The following PTGR1 variants were observed in gnomAD, a reference collection of about 807,000 sequenced individuals.
PTGR1 encodes 15-oxoprostaglandin 13-reductase.
PTGR1 carries 23 observed loss-of-function variants against 37.7 expected under a neutral mutation model. The observed-to-expected ratio is 0.61, with a 90% CI of 0.44 to 0.86. PTGR1 has a LOEUF of 0.86. PTGR1 is among the 40% of genes least tolerant of loss of function. PTGR1 has a pLI of 0.00. For synonymous variants in PTGR1, 134 were observed against 140.0 expected (o/e 0.96, Z 0.30); for missense variants, 351 against 394.3 (o/e 0.89, Z 0.93).
intron 9 of PTGR1, among the ~76,000 whole-genome samples, chr9:111,551,761 T>G (rs1827964667): frequency 6.6e-6 from 1 of 152,222 alleles, no homozygotes; most frequent in South Asian, 2.1e-4. Context: ...AAAATTCATT[T>G]AATATCTAGG....
At chr9:111,579,537 G>A (rs185584992) in intron 6 of PTGR1, among the ~76,000 whole-genome samples, 1 of 152,172 alleles carries the variant, frequency 6.6e-6, no homozygotes, top group Non-Finnish European at 1.5e-5. Context: ...TGGGACCACA[G>A]GTGCATACCA....
At chr9:111,596,926 C>CAAAAAAAAAAAAA (rs71494900) in intron 2 of PTGR1, among the ~76,000 whole-genome samples, 1 of 90,662 alleles carries the variant, frequency 1.1e-5, no homozygotes. Flanking sequence ...GACTCTGTCT[C>CAAAAAAAAAAAAA]AAAAAAAAAA....
chr9:111,583,468 T>C lies in PTGR1; in HGVS notation c.495+4A>G, dbSNP rs1274249337. 1.9e-6 allele frequency: 3 copies of C among 1,595,488 alleles called. No individual in the cohort carries two copies. The highest frequency in any genetic ancestry group is 2.6e-6 in the Non-Finnish European group (3 of 1,163,030). ...AAGGCTTGTTACTGGAGAAAGGCACTTACCTTGAGCTTTGCAATCTGCCCC... is the reference window on the plus strand; with the variant it reads ...AAGGCTTGTTACTGGAGAAAGGCACCTACCTTGAGCTTTGCAATCTGCCCC... On this transcript the variant is annotated splice_donor_region_variant and intron_variant, in intron 6 of 9. Coordinates refer to ENST00000407693, the MANE Select transcript of PTGR1 (RefSeq NM_001146108.2).
chr9:111,578,184 A>G (rs1483360010), intron 7 of PTGR1, among the ~76,000 whole-genome samples: 2 of 152,166 alleles, frequency 1.3e-5, no homozygotes, highest in African/African-American at 4.8e-5. Flanking sequence ...CTCTAGGAAT[A>G]TATTCCCTTG....
intron 4 of PTGR1, among the ~76,000 whole-genome samples, chr9:111,590,268 A>G (rs919408263): frequency 4.6e-5 from 7 of 152,268 alleles, no homozygotes; most frequent in Non-Finnish European, 8.8e-5. Flanking sequence ...TAAACTAAGC[A>G]TAAAGTATCA....
chr9:111,585,805 C>T (rs895600446), intron 5 of PTGR1, among the ~76,000 whole-genome samples, 193 bp downstream of exon 5: 4 of 152,198 alleles, frequency 2.6e-5, no homozygotes, highest in African/African-American at 7.2e-5. Flanking sequence ...ATATAGACCA[C>T]GTTTTCTTTA....
At chr9:111,564,908 G>A (rs369210634) in intron 9 of PTGR1, among the ~76,000 whole-genome samples, 41 of 152,078 alleles carry the variant, frequency 2.7e-4, no homozygotes, top group African/African-American at 7.2e-4. Context: ...TGGATCACCC[G>A]AGGTCAGGAG....
At chr9:111,580,798 G>A (rs1048007585) in intron 6 of PTGR1, among the ~76,000 whole-genome samples, 9 of 149,594 alleles carry the variant, frequency 6.0e-5, no homozygotes, top group East Asian at 1.9e-4. Context: ...AATCTTTGTC[G>A]ATGCATCAAA....
At chr9:111,573,234 G>A (rs1828906470) in intron 8 of PTGR1, among the ~76,000 whole-genome samples, 1 of 152,190 alleles carries the variant, frequency 6.6e-6, no homozygotes, top group African/African-American at 2.4e-5. Context: ...TTGGCAGGCA[G>A]ACAATTTCCC....
chr9:111,555,524 C>G (rs1828096165), intron 9 of PTGR1, among the ~76,000 whole-genome samples: 1 of 152,084 alleles, frequency 6.6e-6, no homozygotes, highest in South Asian at 2.1e-4. Context: ...CTACCTGAGA[C>G]TGGGTAATTT....
intron 4 of PTGR1, among the ~76,000 whole-genome samples, chr9:111,589,898 G>A (rs1240392358): frequency 6.6e-6 from 1 of 152,140 alleles, no homozygotes; most frequent in East Asian, 1.9e-4. Flanking sequence ...GCCTCCCAAA[G>A]TGCTGGGATT....
chr9:111,579,343 C>T (rs532257804), intron 6 of PTGR1, among the ~76,000 whole-genome samples: 17 of 152,140 alleles, frequency 1.1e-4, no homozygotes, highest in South Asian at 8.3e-4. Flanking sequence ...CTGTGACTCC[C>T]ACATCACAGA....
At chr9:111,551,400 GTTTTTTTTTT>G (rs58638722) in intron 9 of PTGR1, among the ~76,000 whole-genome samples, 1 of 74,430 alleles carries the variant, frequency 1.3e-5, no homozygotes, top group East Asian at 4.5e-4. Flanking sequence ...TCCAGTTTTT[GTTTTTTTTTT>G]TTTTTTTTTT....
At chr9:111,573,183 C>G (rs936839425) in intron 8 of PTGR1, among the ~76,000 whole-genome samples, 1 of 152,154 alleles carries the variant, frequency 6.6e-6, no homozygotes, top group African/African-American at 2.4e-5. Flanking sequence ...TATTCCTAAT[C>G]GGACTGTGGT....
At chr9:111,595,547 G>A (rs1219924126) in intron 2 of PTGR1, among the ~76,000 whole-genome samples, 1 of 152,054 alleles carries the variant, frequency 6.6e-6, no homozygotes, top group Non-Finnish European at 1.5e-5. Context: ...AGCTTAGATG[G>A]GACTGATCAC....
At position 111,564,277 on chromosome 9, in the gene PTGR1, TTTATTATTATTATTATTATTATTA is replaced by T. The variant is rs3031175; in HGVS notation, c.880-1070_880-1047del. 9 of 486,384 alleles carry T rather than the reference TTTATTATTATTATTATTATTATTA, an allele frequency of 1.9e-5. No individual in the cohort carries two copies. In the South Asian group the frequency reaches 4.7e-4, roughly 25 times the overall value. 30.1% of individuals were successfully genotyped at this position (486,384 alleles called of 1,614,324 possible). A position where few individuals can be genotyped will look rare whatever the true frequency, so the allele number is the denominator to read the frequency against. Reference sequence around the variant, plus strand: ...AAGTAGGGAAGCTGAAATTTAAACTTTTATTATTATTATTATTATTATTATTATTATTATTATTATTATTCTGAG... The same window carrying T: ...AAGTAGGGAAGCTGAAATTTAAACTTTTATTATTATTATTATTATTCTGAG... On this transcript the variant is annotated intron_variant, in intron 9 of 9. Coordinates refer to ENST00000407693, the MANE Select transcript of PTGR1 (RefSeq NM_001146108.2).
chr9:111,559,702 G>A (rs1423282088), downstream of PTGR1, among the ~76,000 whole-genome samples: 1 of 152,036 alleles, frequency 6.6e-6, no homozygotes, highest in Non-Finnish European at 1.5e-5. Context: ...GCCAGCCTCG[G>A]TGCATGACCT....
chr9:111,570,751 T>C (rs761664643), intron 8 of PTGR1, among the ~76,000 whole-genome samples: 7 of 151,848 alleles, frequency 4.6e-5, no homozygotes, highest in Non-Finnish European at 1.0e-4. Context: ...CGCACTCCAG[T>C]CTGGGTGACA....
rs1829176662 is a variant in PTGR1, at chr9:111,578,930, C to G, written c.517G>C (p.Val173Leu). 1.9e-6 allele frequency: 3 copies of G among 1,603,544 alleles called. No homozygotes were observed. The East Asian group carries it at 6.7e-5, about 36-fold the overall frequency. ...KLKGCKVVGA[V>L]GSDEKVAYLQ... ...TAGGCAACCTTTTCATCAGACCCTA[C>G]TGCTCCAACAACTTTGCAGCCCTAA... Residue 173 changes from valine to leucine, a missense_variant, in exon 7 of 10, where the codon GTA becomes CTA. Physicochemically the swap from Val to Leu is conservative, Grantham distance 32. Transcript: ENST00000407693.
Sources: gnomAD v4.1 joint callset for allele counts (sites outside exome capture counted in the v4.1 genomes callset) on GRCh38, gnomAD v4.1.1 for gene constraint, MANE v1.5 for transcripts, NCBI Gene and HGNC (gene_info 2026-07-23, HGNC 2026-07-21) for gene names.